Variants in ZDHHC15 observed in about 807,000 individuals in gnomAD.
ZDHHC15 encodes the protein zDHHC palmitoyltransferase 15, also known as palmitoyltransferase ZDHHC15.
In ZDHHC15, 19 loss-of-function variants were observed where a neutral mutation model predicts 31.7. The observed-to-expected ratio is 0.60, with a 90% CI of 0.42 to 0.88. The LOEUF is 0.88. ZDHHC15 is among the 40% of genes least tolerant of loss of function. The probability of loss-of-function intolerance (pLI) is 0.00; values close to 1 mark genes in which losing one functional copy is unlikely to be tolerated. For synonymous variants in ZDHHC15, 103 were observed against 90.0 expected, an observed-to-expected ratio of 1.14 and a Z score of -0.82; for missense variants, 209 against 251.2, an observed-to-expected ratio of 0.83 and a Z score of 1.14.
At chrX:75,383,989 G>A (rs1038592146) in intron 10 of ZDHHC15, among the ~76,000 whole-genome samples, 1 of 109,030 alleles carries the variant, frequency 9.2e-6, no homozygotes, top group Non-Finnish European at 1.9e-5. Context: ...TGATCTGCCC[G>A]CCTCGGCCTC....
intron 1 of ZDHHC15, among the ~76,000 whole-genome samples, chrX:75,517,120 C>A (rs964809371): frequency 8.9e-6 from 1 of 111,778 alleles, no homozygotes; most frequent in Non-Finnish European, 1.9e-5. Flanking sequence ...GAAATAGGAA[C>A]ACTTTTATAC....
intron 2 of ZDHHC15, among the ~76,000 whole-genome samples, chrX:75,494,324 C>T (rs1374223745): frequency 9.0e-5 from 10 of 111,047 alleles, no homozygotes; most frequent in African/African-American, 2.3e-4. Context: ...CTCATGGGTA[C>T]GAAGAATCAA....
intron 2 of ZDHHC15, among the ~76,000 whole-genome samples, chrX:75,494,888 C>G (rs1167988126): frequency 8.9e-6 from 1 of 111,924 alleles, no homozygotes; most frequent in African/African-American, 3.3e-5. Flanking sequence ...GACTTCATGT[C>G]TAAAACACCG....
intron 1 of ZDHHC15, among the ~76,000 whole-genome samples, chrX:75,517,883 C>G (rs1182874834): frequency 1.8e-5 from 2 of 110,080 alleles, no homozygotes; most frequent in Non-Finnish European, 3.8e-5. Flanking sequence ...GTAGCCCCAG[C>G]TATTTGAGAG....
chrX:75,471,264 C>T (rs1469055771), intron 3 of ZDHHC15, among the ~76,000 whole-genome samples: 3 of 112,359 alleles, frequency 2.7e-5, no homozygotes, highest in African/African-American at 9.7e-5. Context: ...AGTATATCAA[C>T]TCTCTGTCTT....
chrX:75,447,389 C>T (rs747959531), intron 4 of ZDHHC15, among the ~76,000 whole-genome samples: 3 of 112,560 alleles, frequency 2.7e-5, no homozygotes, highest in Non-Finnish European at 3.7e-5. Flanking sequence ...ATATTCCACA[C>T]AGCATTACAT....
At position 75,384,966 on chromosome X, in the gene ZDHHC15, G is replaced by T. The variant is rs186974821; in HGVS notation, c.968-5768C>A. On this transcript the variant is annotated intron_variant, in intron 10 of 11. Coordinates refer to ENST00000373367, the MANE Select transcript of ZDHHC15 (RefSeq NM_144969.3). The stretch of plus-strand genomic sequence containing the variant: ...GCATGGAAATACATAAGGGCAATTT[G>T]GTACCCTTGAAGAAGTACTTTCTTT... 720 of 419,088 alleles carry T rather than the reference G, an allele frequency of 1.7e-3. 3 individuals carry two copies. Among genetic ancestry groups the T allele is most frequent in the African/African-American group, 0.015 (612 of 40,078 alleles). The allele number at this position is 419,088 out of a possible 1,213,427, so 34.5% of individuals were successfully genotyped here. A position where few individuals can be genotyped will look rare whatever the true frequency, so the allele number is the denominator to read the frequency against.
chrX:75,473,504 C>A (rs2084537642), intron 3 of ZDHHC15, among the ~76,000 whole-genome samples: 1 of 110,962 alleles, frequency 9.0e-6, no homozygotes. Flanking sequence ...CACAACGATT[C>A]CATTAAACTG....
chrX:75,456,583 G>C (rs1375493643), intron 3 of ZDHHC15, among the ~76,000 whole-genome samples: 2 of 111,569 alleles, frequency 1.8e-5, no homozygotes, highest in African/African-American at 6.5e-5. Flanking sequence ...AAAGAGGAAT[G>C]TTTTTATACT....
chrX:75,447,872 A>G (rs778756423), intron 4 of ZDHHC15, among the ~76,000 whole-genome samples: 1 of 111,836 alleles, frequency 8.9e-6, no homozygotes, highest in South Asian at 3.8e-4. Context: ...GTATCTCTGA[A>G]TCAACAGGAC....
intron 2 of ZDHHC15, among the ~76,000 whole-genome samples, chrX:75,482,503 A>G (rs1406131177): frequency 9.0e-6 from 1 of 111,167 alleles, no homozygotes; most frequent in African/African-American, 3.3e-5. Context: ...AGGTATCCTA[A>G]TTTCTTCTAA....
rs756383900 is a variant in ZDHHC15 at position 75,517,011 on chromosome X, G to T, written c.136+5878C>A. Among the ~76,000 whole-genome samples the T allele has an allele frequency of 8.9e-5, 10 of 112,227 alleles. No individual in the cohort carries two copies. In the South Asian group the frequency reaches 2.6e-3, roughly 29 times the overall value. ...ATGCTCATCATCACTGGCCATCAGA[G>T]AAATGCAAATCAAAACCACAATGAG... is the stretch of plus-strand genomic sequence containing the variant. On this transcript the variant is annotated intron_variant, in intron 1 of 11. Transcript: ENST00000373367.
chrX:75,439,589 C>T (rs1299680685), intron 4 of ZDHHC15, among the ~76,000 whole-genome samples: 1 of 111,076 alleles, frequency 9.0e-6, no homozygotes, highest in Non-Finnish European at 1.9e-5. Flanking sequence ...TTTAAAATTT[C>T]TTTAAATTAT....
chrX:75,408,732 A>C (rs923594900), intron 10 of ZDHHC15, among the ~76,000 whole-genome samples: 6 of 112,808 alleles, frequency 5.3e-5, no homozygotes, highest in African/African-American at 1.9e-4. Context: ...AGAACTAATA[A>C]ATGAATTTAG....
chrX:75,382,453 G>T (rs1299500999), intron 10 of ZDHHC15, among the ~76,000 whole-genome samples: 1 of 111,656 alleles, frequency 9.0e-6, no homozygotes, highest in Non-Finnish European at 1.9e-5. Context: ...CTACCCAAAG[G>T]AGTACCCTTC....
rs148709245 is a variant in ZDHHC15, at chrX:75,495,865, G to A, written c.163+9956C>T. On this transcript the variant is annotated intron_variant, in intron 2 of 11. Transcript: ENST00000373367. The stretch of plus-strand genomic sequence containing the variant: ...TTTAATGGGTGCAGCACACCAACAT[G>A]GCACATCTATACATATGTAACTAAC... Among the ~76,000 whole-genome samples, 767 of 106,677 alleles carry A rather than the reference G, an allele frequency of 7.2e-3. 10 individuals are homozygous for A. Among genetic ancestry groups the A allele is most frequent in the African/African-American group, 0.024 (704 of 29,005 alleles). The allele number at this position is 106,677 out of a possible 115,157, so 92.6% of individuals were successfully genotyped here. A position where few individuals can be genotyped will look rare whatever the true frequency, so the allele number is the denominator to read the frequency against.
intron 1 of ZDHHC15, among the ~76,000 whole-genome samples, chrX:75,518,806 T>TACAC (rs57864438): frequency 4.8e-4 from 11 of 22,898 alleles, no homozygotes; most frequent in Non-Finnish European, 5.6e-4. Flanking sequence ...TATATATATA[T>TACAC]ACACACACAC....
intron 2 of ZDHHC15, among the ~76,000 whole-genome samples, chrX:75,481,165 C>T (rs1418490730): frequency 2.7e-5 from 3 of 110,463 alleles, no homozygotes; most frequent in Non-Finnish European, 3.8e-5. Context: ...GAGGTTTGTA[C>T]GGGGAAAATT....
intron 11 of ZDHHC15, among the ~76,000 whole-genome samples, chrX:75,376,732 T>A (rs984323721): frequency 8.9e-6 from 1 of 112,115 alleles, no homozygotes; most frequent in Non-Finnish European, 1.9e-5. Flanking sequence ...GTTTACTGAT[T>A]TGCAAGAGCT....
Sources: gnomAD v4.1 joint callset for allele counts (sites outside exome capture counted in the v4.1 genomes callset) on GRCh38, gnomAD v4.1.1 for gene constraint, MANE v1.5 for transcripts, NCBI Gene and HGNC (gene_info 2026-07-23, HGNC 2026-07-21) for gene names.